The following MTMR2 variants were observed in gnomAD, a reference collection of about 807,000 sequenced individuals.
MTMR2 encodes the protein phosphatidylinositol-3,5-bisphosphate 3-phosphatase MTMR2.
A neutral mutation model predicts 86.9 loss-of-function variants in MTMR2; 55 were observed. The observed-to-expected ratio is 0.63, with a 90% CI of 0.51 to 0.79. The LOEUF is 0.79. MTMR2 is among the 30% of genes least tolerant of loss of function. The probability of loss-of-function intolerance (pLI) is 0.00; values close to 1 mark genes in which losing one functional copy is unlikely to be tolerated. For missense variants in MTMR2, 659 were observed against 772.3 expected (o/e 0.85, Z 1.74); for synonymous variants, 241 against 266.8 (o/e 0.90, Z 0.94).
At chr11:95,906,848 T>C (rs1195307286) in intron 1 of MTMR2, among the ~76,000 whole-genome samples, 3 of 152,128 alleles carry the variant, frequency 2.0e-5, no homozygotes, top group Non-Finnish European at 2.9e-5. Flanking sequence ...AGATACAACA[T>C]ACTAGAATCT....
intron 2 of MTMR2, among the ~76,000 whole-genome samples, chr11:95,867,389 G>A: frequency 6.6e-6 from 1 of 152,162 alleles, no homozygotes; most frequent in East Asian, 1.9e-4. Flanking sequence ...CAGAAGAGAA[G>A]AGGGTAGTTC....
chr11:95,905,368 CAA>C (rs1166976686), intron 1 of MTMR2, among the ~76,000 whole-genome samples: 4 of 143,112 alleles, frequency 2.8e-5, no homozygotes, highest in East Asian at 2.1e-4. Context: ...CACACACACA[CAA>C]CACAACACAT....
In MTMR2 at chr11:95,856,486, C is replaced by CA. The variant is rs143917568; in HGVS notation, c.654+1065dup. On this transcript the variant is annotated intron_variant, in intron 7 of 14. Transcript: ENST00000346299. ...AAACTACAGCTTCTAACTACAAATA[C>CA]AGTGTCCTCTCCATTAGACCTTTTA... Among the ~76,000 whole-genome samples the CA allele has an allele frequency of 3.3e-3, 498 of 151,538 alleles. 4 individuals are homozygous for CA. The highest frequency in any genetic ancestry group is 0.011 in the African/African-American group (473 of 41,334).
chr11:95,843,657 A>G (rs534290346), intron 11 of MTMR2, among the ~76,000 whole-genome samples: 4 of 152,326 alleles, frequency 2.6e-5, no homozygotes, highest in African/African-American at 2.4e-5. Flanking sequence ...TAGATATAAA[A>G]TTCAGCTATC....
chr11:95,887,444 TA>T (rs1309568579), intron 2 of MTMR2, among the ~76,000 whole-genome samples: 4 of 151,748 alleles, frequency 2.6e-5, no homozygotes, highest in African/African-American at 9.7e-5. Flanking sequence ...GATTATGAAG[TA>T]AAGTTAAAGG....
At chr11:95,853,793 C>A (rs1225121829) in intron 7 of MTMR2, among the ~76,000 whole-genome samples, 15 of 152,092 alleles carry the variant, frequency 9.9e-5, no homozygotes, top group Non-Finnish European at 2.1e-4. Context: ...TTGATAAATG[C>A]ATGAATGAAT....
chr11:95,904,214 TTC>T (rs1866173923), intron 1 of MTMR2, among the ~76,000 whole-genome samples: 1 of 152,152 alleles, frequency 6.6e-6, no homozygotes, highest in Admixed American at 6.6e-5. Context: ...TCTCCAGCAA[TTC>T]TCTCCTCCAG....
intron 5 of MTMR2, 128 bp from the exon 6 acceptor site, chr11:95,858,760 A>C: frequency 2.9e-6 from 2 of 678,780 alleles, no homozygotes; most frequent in Non-Finnish European, 5.2e-6. Flanking sequence ...TAAATCAGAC[A>C]TCAGCTCCTG....
chr11:95,922,180 T>G (rs1408235992), intron 1 of MTMR2, among the ~76,000 whole-genome samples: 1 of 152,182 alleles, frequency 6.6e-6, no homozygotes, highest in African/African-American at 2.4e-5. Flanking sequence ...AACTGTAGAC[T>G]AGAAAGTCTA....
In MTMR2 at chr11:95,835,202, G is replaced by A; in HGVS notation, c.*88C>T. On this transcript the variant is annotated 3_prime_UTR_variant, in exon 15 of 15. Coordinates refer to ENST00000346299, the MANE Select transcript of MTMR2 (RefSeq NM_016156.6). The stretch of plus-strand genomic sequence containing the variant: ...AGTGACTGAACTTTCTCTCATAGAT[G>A]GGTTCTAAATTCCGAAGACTTTCTA... 2 of 1,320,052 alleles carry A rather than the reference G, an allele frequency of 1.5e-6. No homozygotes were observed. Among genetic ancestry groups the A allele is most frequent in the Non-Finnish European group, 2.2e-6 (2 of 923,388 alleles). The allele number at this position is 1,320,052 out of a possible 1,614,324, so 81.8% of individuals were successfully genotyped here.
At chr11:95,909,733 GATA>G (rs754762550) in intron 1 of MTMR2, among the ~76,000 whole-genome samples, 13 of 151,948 alleles carry the variant, frequency 8.6e-5, no homozygotes, top group African/African-American at 1.2e-4. Flanking sequence ...TTTATAAAAT[GATA>G]ATGATGCATT....
chr11:95,874,495 CG>C (rs1446563807), intron 2 of MTMR2, among the ~76,000 whole-genome samples: 3 of 151,580 alleles, frequency 2.0e-5, no homozygotes, highest in African/African-American at 7.3e-5. Context: ...TGTCTCTGCA[CG>C]TGAGATGGGT....
chr11:95,884,207 A>T (rs1284841272), intron 2 of MTMR2, among the ~76,000 whole-genome samples: 1 of 152,234 alleles, frequency 6.6e-6, no homozygotes, highest in African/African-American at 2.4e-5. Flanking sequence ...TGCTAAAGGT[A>T]TACACATGAA....
intron 7 of MTMR2, among the ~76,000 whole-genome samples, chr11:95,857,348 C>T (rs895554897): frequency 6.6e-6 from 1 of 151,964 alleles, no homozygotes; most frequent in African/African-American, 2.4e-5. Context: ...AGTATAGGGA[C>T]TCTTTGGGAA....
intron 6 of MTMR2, among the ~76,000 whole-genome samples, chr11:95,857,940 A>G (rs1864269638): frequency 6.6e-6 from 1 of 152,196 alleles, no homozygotes; most frequent in African/African-American, 2.4e-5. Flanking sequence ...TAAAGACATT[A>G]CATTTAAACA....
chr11:95,904,831 C>G (rs1394573523), intron 1 of MTMR2, among the ~76,000 whole-genome samples: 4 of 152,158 alleles, frequency 2.6e-5, no homozygotes, highest in Non-Finnish European at 5.9e-5. Flanking sequence ...GATCTAAGAA[C>G]CCTCTCTTGG....
chr11:95,846,104 T>C (rs1863780333), intron 10 of MTMR2, among the ~76,000 whole-genome samples: 1 of 152,132 alleles, frequency 6.6e-6, no homozygotes, highest in Non-Finnish European at 1.5e-5. Flanking sequence ...CAAGAGTCAT[T>C]TGTAAGCCTG....
At chr11:95,858,659 A>C (rs1864299616) in intron 5 of MTMR2, 27 bp from the exon 6 acceptor site, 3 of 1,405,828 alleles carry the variant, frequency 2.1e-6, no homozygotes, top group Non-Finnish European at 3.0e-6. Flanking sequence ...AACCAAGTTA[A>C]TAATTGTTCA....
chr11:95,898,929 G>A (rs1477843702), intron 1 of MTMR2, among the ~76,000 whole-genome samples: 3 of 152,134 alleles, frequency 2.0e-5, no homozygotes, highest in Non-Finnish European at 2.9e-5. Context: ...AACTGGAGAA[G>A]GCAGATCACT....
Sources: allele counts gnomAD v4.1 joint callset (sites outside exome capture counted in the v4.1 genomes callset), GRCh38; gene constraint gnomAD v4.1.1; transcripts MANE v1.5; gene names NCBI Gene and HGNC (gene_info 2026-07-23, HGNC 2026-07-21).